Variants in LRMDA observed in about 807,000 individuals in gnomAD.
The protein encoded by LRMDA is leucine-rich melanocyte differentiation-associated protein.
Under a neutral mutation model 29.8 loss-of-function variants are expected in LRMDA, and 18 were observed. The ratio of observed to expected loss-of-function variants is 0.60; its 90% CI spans 0.42 to 0.90. The LOEUF (loss-of-function observed/expected upper bound fraction) is 0.90, where lower values mean the gene tolerates loss of function less well. LRMDA is among the 40% of genes least tolerant of loss of function. The probability of loss-of-function intolerance (pLI) is 0.00; values close to 1 mark genes in which losing one functional copy is unlikely to be tolerated. For missense variants in LRMDA, 273 were observed against 273.9 expected (o/e 1.00, Z 0.02); for synonymous variants, 125 against 109.4 (o/e 1.14, Z -0.89).
At chr10:75,745,883 G>A (rs949069786) in intron 2 of LRMDA, among the ~76,000 whole-genome samples, 24 of 152,184 alleles carry the variant, frequency 1.6e-4, no homozygotes, top group African/African-American at 4.6e-4. Flanking sequence ...GTGCCTCAAC[G>A]TGGGTTTCAT....
rs555136568 is a variant in LRMDA, at chr10:75,674,291, C to T, written c.131+235797C>T. On this transcript the variant is annotated intron_variant, in intron 2 of 6. Coordinates refer to ENST00000611255, the MANE Select transcript of LRMDA (RefSeq NM_001305581.2). ...AACAGGGAGCAGATTTTAGGAACAT[C>T]TGGGCAACCCGCACAACACCTTTCT... is the stretch of plus-strand genomic sequence containing the variant. 2.0e-5 allele frequency among the ~76,000 whole-genome samples: 3 copies of T among 152,236 alleles called. No homozygotes were observed. In the South Asian group the frequency reaches 6.2e-4, roughly 32 times the overall value.
intron 6 of LRMDA, among the ~76,000 whole-genome samples, chr10:76,345,417 A>G (rs1338314382): frequency 1.3e-5 from 2 of 149,596 alleles, no homozygotes; most frequent in Non-Finnish European, 3.0e-5. Flanking sequence ...TGAACTTAAA[A>G]AATTATTTGG....
In LRMDA at chr10:75,797,053, T is replaced by C. The variant is rs868097357; in HGVS notation, c.132-238955T>C. ...AGTTTGTGTAATTTTGGGTTTTTTT[T>C]CTTAAGTTTTTGATAGAATTCACCA... On this transcript the variant is annotated intron_variant, in intron 2 of 6. Coordinates refer to ENST00000611255, the MANE Select transcript of LRMDA (RefSeq NM_001305581.2). Among the ~76,000 whole-genome samples the C allele has an allele frequency of 7.9e-5, 12 of 152,334 alleles. No individual in the cohort carries two copies. The South Asian group carries it at 1.7e-3, about 21-fold the overall frequency.
chr10:76,161,176 G>A (rs1850640675), intron 5 of LRMDA, among the ~76,000 whole-genome samples: 1 of 152,090 alleles, frequency 6.6e-6, no homozygotes, highest in Non-Finnish European at 1.5e-5. Context: ...AACATGAAAA[G>A]GGAAAGAGAT....
intron 2 of LRMDA, among the ~76,000 whole-genome samples, chr10:75,913,941 A>C (rs2132380091): frequency 6.6e-6 from 1 of 152,342 alleles, no homozygotes; most frequent in Admixed American, 6.5e-5. Flanking sequence ...CGTGGGGGTA[A>C]GTGAAAGCTT....
chr10:75,913,443 G>A (rs1271122353), intron 2 of LRMDA, among the ~76,000 whole-genome samples: 2 of 152,174 alleles, frequency 1.3e-5, no homozygotes, highest in Non-Finnish European at 2.9e-5. Context: ...ACGACACAGC[G>A]AGACTCCGTC....
intron 2 of LRMDA, among the ~76,000 whole-genome samples, chr10:75,567,614 G>C (rs1311052813): frequency 6.6e-6 from 1 of 152,154 alleles, no homozygotes; most frequent in African/African-American, 2.4e-5. Flanking sequence ...ATCAAAAGAG[G>C]GCACCTAAAT....
intron 2 of LRMDA, among the ~76,000 whole-genome samples, chr10:75,824,089 G>T (rs552169796): frequency 6.6e-6 from 1 of 152,188 alleles, no homozygotes; most frequent in South Asian, 2.1e-4. Context: ...TTTCACCACT[G>T]TGTGATATAT....
intron 2 of LRMDA, among the ~76,000 whole-genome samples, chr10:75,974,567 A>G (rs1164013735): frequency 1.3e-5 from 2 of 152,198 alleles, no homozygotes; most frequent in African/African-American, 2.4e-5. Flanking sequence ...GGCCAGGCCT[A>G]TTCTAAGAGT....
intron 6 of LRMDA, among the ~76,000 whole-genome samples, chr10:76,517,888 AAG>A (rs1843077583): frequency 2.0e-5 from 3 of 150,550 alleles, no homozygotes; most frequent in East Asian, 1.9e-4. Flanking sequence ...CGCCAAAAAA[AAG>A]AGTGTTTAAA....
chr10:76,222,085 G>T (rs1851852732), intron 5 of LRMDA, among the ~76,000 whole-genome samples: 5 of 151,878 alleles, frequency 3.3e-5, no homozygotes, highest in Non-Finnish European at 7.4e-5. Context: ...GCTGAAACTG[G>T]ATCCCTTCCT....
At chr10:76,089,591 T>G (rs1012559966) in intron 5 of LRMDA, among the ~76,000 whole-genome samples, 1 of 152,150 alleles carries the variant, frequency 6.6e-6, no homozygotes, top group Non-Finnish European at 1.5e-5. Context: ...TTGTCTGTTA[T>G]GCTTGGAGGC....
At chr10:75,940,348 G>A (rs1317200610) in intron 2 of LRMDA, among the ~76,000 whole-genome samples, 2 of 152,112 alleles carry the variant, frequency 1.3e-5, no homozygotes, top group African/African-American at 4.8e-5. Context: ...GGAGCCACCT[G>A]TCCCCTCATG....
intron 2 of LRMDA, among the ~76,000 whole-genome samples, chr10:75,792,972 G>A (rs1047630276): frequency 6.6e-6 from 1 of 152,124 alleles, no homozygotes; most frequent in Admixed American, 6.5e-5. Flanking sequence ...GATAGTTTGG[G>A]TCTGGTGCAA....
At chr10:76,257,265 G>A (rs1013980967) in intron 5 of LRMDA, among the ~76,000 whole-genome samples, 1 of 151,562 alleles carries the variant, frequency 6.6e-6, no homozygotes, top group Non-Finnish European at 1.5e-5. Context: ...GTTTTATGGA[G>A]GAAGGGGTAT....
At chr10:75,643,817 G>A (rs953489210) in intron 2 of LRMDA, among the ~76,000 whole-genome samples, 3 of 152,072 alleles carry the variant, frequency 2.0e-5, no homozygotes, top group African/African-American at 7.2e-5. Context: ...TCTTTAAATA[G>A]AGAGGTACCC....
intron 2 of LRMDA, among the ~76,000 whole-genome samples, chr10:75,981,385 C>A (rs2132449429): frequency 6.6e-6 from 1 of 152,324 alleles, no homozygotes; most frequent in Middle Eastern, 3.4e-3. Flanking sequence ...AGAGGTTGAG[C>A]AGACTTGGTT....
At chr10:76,502,609 C>A (rs1164921059) in intron 6 of LRMDA, among the ~76,000 whole-genome samples, 1 of 151,804 alleles carries the variant, frequency 6.6e-6, no homozygotes, top group African/African-American at 2.4e-5. Context: ...ATTTTAATTT[C>A]TTTGTAGTGA....
chr10:76,518,940 A>C (rs2132358951), intron 6 of LRMDA, among the ~76,000 whole-genome samples: 1 of 152,318 alleles, frequency 6.6e-6, no homozygotes, highest in South Asian at 2.1e-4. Context: ...AAATTTCAAA[A>C]ACTAAGTATC....
Sources: allele counts gnomAD v4.1 joint callset (sites outside exome capture counted in the v4.1 genomes callset), GRCh38; gene constraint gnomAD v4.1.1; transcripts MANE v1.5; gene names NCBI Gene and HGNC (gene_info 2026-07-23, HGNC 2026-07-21).